CTDSPL: variants seen among roughly 807,000 people sequenced by gnomAD.
CTDSPL encodes the protein CTD small phosphatase-like protein.
Under a neutral mutation model 30.5 loss-of-function variants are expected in CTDSPL, and 8 were observed. The observed-to-expected ratio is 0.26, with a 90% CI of 0.15 to 0.47. The LOEUF (loss-of-function observed/expected upper bound fraction) is 0.47, where lower values mean the gene tolerates loss of function less well. Among genes scored for constraint, CTDSPL ranks in the 20% least tolerant of loss-of-function variants. CTDSPL has a pLI of 0.99. For missense variants in CTDSPL, 248 were observed against 366.1 expected (o/e 0.68, Z 2.63); for synonymous variants, 110 against 137.9 (o/e 0.80, Z 1.42).
At chr3:37,979,238 G>A (rs1699462190) in intron 7 of CTDSPL, among the ~76,000 whole-genome samples, 1 of 151,732 alleles carries the variant, frequency 6.6e-6, no homozygotes, top group Non-Finnish European at 1.5e-5. Flanking sequence ...TGAGGAGGGA[G>A]GATTACTTGA....
intron 1 of CTDSPL, chr3:37,911,649 C>T (rs1356665289): frequency 2.2e-6 from 1 of 455,570 alleles, no homozygotes; most frequent in Non-Finnish European, 4.4e-6. Context: ...TCTGGTTGAA[C>T]GTTTTAGTGG....
At position 37,862,325 on chromosome 3, in the gene CTDSPL, C is replaced by A; in HGVS notation, c.79+47C>A. On this transcript the variant is annotated intron_variant, in intron 1 of 7. Transcript: ENST00000273179. This position sits in a 1 kb window ranked among gnomAD's most constrained non-coding sequence, Gnocchi z 4.3. ...CGCGGGCTGGGGGCGAGCGCACACC[C>A]CGCGCCGCTGGAGTTCACTGCCGGG... 2.1e-6 allele frequency: 3 copies of A among 1,415,828 alleles called. No homozygotes were observed. Among genetic ancestry groups the A allele is most frequent in the South Asian group, 2.9e-5 (2 of 68,956 alleles). 87.7% of individuals were successfully genotyped at this position (1,415,828 alleles called of 1,614,324 possible). A position where few individuals can be genotyped will look rare whatever the true frequency, so the allele number is the denominator to read the frequency against.
At chr3:37,941,695 T>C (rs1019780631) in intron 1 of CTDSPL, among the ~76,000 whole-genome samples, 1 of 150,190 alleles carries the variant, frequency 6.7e-6, no homozygotes, top group Admixed American at 6.7e-5. Context: ...GGGCCGGGCA[T>C]GTTTTCATTG....
intron 7 of CTDSPL, among the ~76,000 whole-genome samples, chr3:37,976,706 T>C (rs1032356787): frequency 2.0e-5 from 3 of 151,924 alleles, no homozygotes; most frequent in African/African-American, 7.3e-5. Flanking sequence ...TACCTCATCA[T>C]GATGTCTAAA....
At chr3:37,872,241 A>T (rs1298521437) in intron 1 of CTDSPL, among the ~76,000 whole-genome samples, 1 of 152,162 alleles carries the variant, frequency 6.6e-6, no homozygotes, top group Non-Finnish European at 1.5e-5. Flanking sequence ...TTGTTGAAGC[A>T]TTTTTTTAAA....
rs568449137 is a variant in CTDSPL at position 37,894,752 on chromosome 3, C to T, written c.79+32474C>T. ...GAGGCTCTGTTCATTTATTTTCAATCTTTTTTCCTTTCTGTTCTTCAGATT... is the reference window on the plus strand; with the variant it reads ...GAGGCTCTGTTCATTTATTTTCAATTTTTTTTCCTTTCTGTTCTTCAGATT... On this transcript the variant is annotated intron_variant, in intron 1 of 7. Transcript: ENST00000273179. Among the ~76,000 whole-genome samples, 4 of 152,168 alleles carry T rather than the reference C, an allele frequency of 2.6e-5. No homozygotes were observed. The South Asian group carries it at 6.2e-4, about 24-fold the overall frequency.
At chr3:37,921,958 G>T (rs1270472743) in intron 1 of CTDSPL, among the ~76,000 whole-genome samples, 1 of 152,194 alleles carries the variant, frequency 6.6e-6, no homozygotes. Context: ...ATAGGGCCAG[G>T]CGCGGTGGCT....
intron 1 of CTDSPL, among the ~76,000 whole-genome samples, chr3:37,884,133 A>G (rs866047299): frequency 1.3e-5 from 2 of 152,196 alleles, no homozygotes; most frequent in African/African-American, 4.8e-5. Context: ...AAATAATCTC[A>G]CAGAAATATT....
At chr3:37,924,975 C>T (rs1022651357) in intron 1 of CTDSPL, among the ~76,000 whole-genome samples, 1 of 152,198 alleles carries the variant, frequency 6.6e-6, no homozygotes, top group African/African-American at 2.4e-5. Flanking sequence ...CCCCCTCCCT[C>T]AACTGCTTTC....
At chr3:37,918,605 A>T in intron 1 of CTDSPL, among the ~76,000 whole-genome samples, 1 of 152,168 alleles carries the variant, frequency 6.6e-6, no homozygotes, top group Non-Finnish European at 1.5e-5. Flanking sequence ...CTTCCATTAC[A>T]TGTTCTCTTG....
chr3:37,930,952 T>G (rs939813305), intron 1 of CTDSPL, among the ~76,000 whole-genome samples: 1 of 152,224 alleles, frequency 6.6e-6, no homozygotes, highest in African/African-American at 2.4e-5. Context: ...TGTGACAGCT[T>G]TTTGACTTAA....
chr3:37,981,326 AT>A lies in CTDSPL; in HGVS notation c.*460del, dbSNP rs2125637643. 1 of 157,886 alleles carries A rather than the reference AT, an allele frequency of 6.3e-6. No homozygotes were observed. The highest frequency in any genetic ancestry group is 1.8e-4 in the South Asian group (1 of 5,698). The allele number at this position is 157,886 out of a possible 1,614,324, so 9.8% of individuals were successfully genotyped here. A position where few individuals can be genotyped will look rare whatever the true frequency, so the allele number is the denominator to read the frequency against. On this transcript the variant is annotated 3_prime_UTR_variant, in exon 8 of 8. Transcript: ENST00000273179. The stretch of plus-strand genomic sequence containing the variant: ...TTTTCTACACAACATATTTCCAGAC[AT>A]CTTTTAGTCTTTTATTGTCTTAGAT...
intron 1 of CTDSPL, among the ~76,000 whole-genome samples, chr3:37,925,623 A>C (rs1698772719): frequency 6.6e-6 from 1 of 152,172 alleles, no homozygotes; most frequent in Non-Finnish European, 1.5e-5. Context: ...TGACCTTCTT[A>C]CTTTTTGAAC....
intron 5 of CTDSPL, among the ~76,000 whole-genome samples, chr3:37,969,807 G>A (rs1423096840): frequency 6.6e-6 from 1 of 152,144 alleles, no homozygotes; most frequent in East Asian, 1.9e-4. Flanking sequence ...ACAAATCCAT[G>A]TCCACCTCCT....
rs1013181729 is a variant in CTDSPL, at chr3:37,969,748, C to A, written c.427-1659C>A. The stretch of plus-strand genomic sequence containing the variant: ...CCAGCTCCTCAGAGCTGTGTTGGCA[C>A]CCGTGCTACGACATCCTGTTCCTCC... On this transcript the variant is annotated intron_variant, in intron 5 of 7. Coordinates refer to ENST00000273179, the MANE Select transcript of CTDSPL (RefSeq NM_001008392.2). Among the ~76,000 whole-genome samples the A allele has an allele frequency of 4.9e-4, 75 of 152,198 alleles. 2 individuals are homozygous for A. Among genetic ancestry groups the A allele is most frequent in the Non-Finnish European group, 1.8e-4 (12 of 68,028 alleles).
At chr3:37,923,645 T>A (rs1698745850) in intron 1 of CTDSPL, among the ~76,000 whole-genome samples, 1 of 152,216 alleles carries the variant, frequency 6.6e-6, no homozygotes. Context: ...ACATATCTTA[T>A]AAAGCCGTAT....
At chr3:37,918,357 C>T (rs1698673766) in intron 1 of CTDSPL, among the ~76,000 whole-genome samples, 1 of 152,168 alleles carries the variant, frequency 6.6e-6, no homozygotes, top group African/African-American at 2.4e-5. Context: ...TCTCATCCAG[C>T]CAAGGCCTTT....
chr3:37,917,513 G>A (rs1303607039), intron 1 of CTDSPL, among the ~76,000 whole-genome samples: 1 of 152,166 alleles, frequency 6.6e-6, no homozygotes, highest in Admixed American at 6.5e-5. Context: ...TCCCAATATA[G>A]ATGAATAAAT....
intron 6 of CTDSPL, among the ~76,000 whole-genome samples, chr3:37,972,350 G>A (rs1699376892): frequency 6.6e-6 from 1 of 152,016 alleles, no homozygotes; most frequent in African/African-American, 2.4e-5. Context: ...AAATTAACTG[G>A]GCATGGTGGC....
Sources: allele counts gnomAD v4.1 joint callset (sites outside exome capture counted in the v4.1 genomes callset), GRCh38; gene constraint gnomAD v4.1.1; non-coding constraint Gnocchi (gnomAD v3.1); transcripts MANE v1.5; gene names NCBI Gene and HGNC (gene_info 2026-07-23, HGNC 2026-07-21).